POFUT1: variants seen among roughly 807,000 people sequenced by gnomAD.
POFUT1 encodes the protein protein O-fucosyltransferase 1, also known as GDP-fucose protein O-fucosyltransferase 1.
Under a neutral mutation model 42.4 loss-of-function variants are expected in POFUT1, and 16 were observed. The ratio of observed to expected loss-of-function variants is 0.38; its 90% CI spans 0.26 to 0.57. POFUT1 has a LOEUF of 0.57. POFUT1 is among the 20% of genes least tolerant of loss of function. POFUT1 has a pLI of 0.71. For missense variants in POFUT1, 470 were observed against 504.6 expected (o/e 0.93, Z 0.66); for synonymous variants, 206 against 205.4 (o/e 1.00, Z -0.03).
intron 4 of POFUT1, chr20:32,217,167 A>C (rs755197516): frequency 7.2e-5 from 108 of 1,506,944 alleles, no homozygotes; most frequent in Non-Finnish European, 9.0e-5. Context: ...TTTAAAAAAT[A>C]TAGGTTAGCA....
At chr20:32,220,715 C>T (rs1184954317) in intron 4 of POFUT1, among the ~76,000 whole-genome samples, 1 of 151,894 alleles carries the variant, frequency 6.6e-6, no homozygotes, top group Non-Finnish European at 1.5e-5. Context: ...TGCATCCCAG[C>T]CTGGGCAGCA....
chr20:32,225,556 A>G (rs2047410844), intron 4 of POFUT1, among the ~76,000 whole-genome samples: 2 of 152,190 alleles, frequency 1.3e-5, no homozygotes, highest in African/African-American at 4.8e-5. Flanking sequence ...TGGCACGATC[A>G]TGGCTGACTG....
intron 2 of POFUT1, 45 bp downstream of exon 2, chr20:32,210,237 G>A: frequency 1.2e-6 from 2 of 1,611,050 alleles, no homozygotes; most frequent in Non-Finnish European, 1.7e-6. Flanking sequence ...CCCTTTCTCA[G>A]TCTTGCTTAC....
intron 2 of POFUT1, among the ~76,000 whole-genome samples, chr20:32,211,747 T>C (rs1163801891): frequency 6.6e-6 from 1 of 152,186 alleles, no homozygotes; most frequent in Admixed American, 6.5e-5. Context: ...CTCACTGAGG[T>C]CACCAGTGAC....
Position 32,233,359 on chromosome 20 carries a change from A to G in POFUT1, c.979-1114A>G, listed in dbSNP as rs2047452512. Among the ~76,000 whole-genome samples, 5 of 152,158 alleles carry G rather than the reference A, an allele frequency of 3.3e-5. 1 individual carries two copies. In the South Asian group the frequency reaches 1.0e-3, roughly 32 times the overall value. ...AGGAGCTAACCAGGTAAAGGGAGGTACACCCCAAACAGCACAGCACGCACA... is the reference window on the plus strand; with the variant it reads ...AGGAGCTAACCAGGTAAAGGGAGGTGCACCCCAAACAGCACAGCACGCACA... On this transcript the variant is annotated intron_variant, in intron 6 of 6. Coordinates refer to ENST00000375749, the MANE Select transcript of POFUT1 (RefSeq NM_015352.2).
intron 2 of POFUT1, among the ~76,000 whole-genome samples, chr20:32,214,903 A>G (rs2047350502): frequency 6.6e-6 from 1 of 152,002 alleles, no homozygotes; most frequent in South Asian, 2.1e-4. Context: ...TGTTTTTTTG[A>G]GACGGAGTCT....
In POFUT1 at chr20:32,234,753, G is replaced by A; in HGVS notation, c.*92G>A. ...GGCCTGGCAGCCAGAGGTGCTCCGG[G>A]ATTGCAAACTCCTCTTCTCACCTGC... On this transcript the variant is annotated 3_prime_UTR_variant, in exon 7 of 7. Transcript: ENST00000375749. 1 of 1,149,540 alleles carries A rather than the reference G, an allele frequency of 8.7e-7. No homozygotes were observed. The highest frequency in any genetic ancestry group is 1.2e-6 in the Non-Finnish European group (1 of 813,514). The allele number at this position is 1,149,540 out of a possible 1,614,324, so 71.2% of individuals were successfully genotyped here.
intron 3 of POFUT1, among the ~76,000 whole-genome samples, chr20:32,216,090 A>T (rs1383370364): frequency 1.3e-5 from 2 of 152,236 alleles, no homozygotes; most frequent in African/African-American, 4.8e-5. Context: ...CACTTTGGAA[A>T]TAAACCCCCA....
At position 32,234,534 on chromosome 20, in the gene POFUT1, C is replaced by T. The variant is rs371415833; in HGVS notation, c.1040C>T (p.Ala347Val). The change falls in exon 7 of 7, where the codon GCC becomes GTC. Residue 347 changes from alanine (A) to valine (V), a missense_variant. Coordinates refer to ENST00000375749, the MANE Select transcript of POFUT1 (RefSeq NM_015352.2). Reference protein sequence around the residue: ...AQVDLYILGQADHFIGNCVSS... With the variant: ...AQVDLYILGQVDHFIGNCVSS... ...GTCGACCTGTACATCCTCGGCCAAG[C>T]CGACCACTTTATTGGCAACTGTGTC... The T allele has an allele frequency of 4.3e-6, 7 of 1,614,124 alleles. No individual in the cohort carries two copies. In the African/African-American group the frequency reaches 9.3e-5, roughly 21 times the overall value.
chr20:32,208,088 C>T (rs2047303373), intron 1 of POFUT1, 23 bp downstream of exon 1: 1 of 1,538,084 alleles, frequency 6.5e-7, no homozygotes, highest in Non-Finnish European at 8.7e-7. Context: ...AAGCCCTCTG[C>T]TCAGATGGAG....
intron 6 of POFUT1, among the ~76,000 whole-genome samples, 166 bp from the exon 7 acceptor site, chr20:32,234,307 G>A (rs2047457904): frequency 6.6e-6 from 1 of 152,248 alleles, no homozygotes; most frequent in Admixed American, 6.5e-5. Flanking sequence ...GTGGGCCTAG[G>A]CAGCAGCTGG....
intron 4 of POFUT1, among the ~76,000 whole-genome samples, chr20:32,227,646 G>C (rs2047421500): frequency 6.6e-6 from 1 of 152,226 alleles, no homozygotes; most frequent in Non-Finnish European, 1.5e-5. Flanking sequence ...ATAATTATGA[G>C]ATGGACTGTG....
intron 5 of POFUT1, 60 bp downstream of exon 5, chr20:32,228,515 G>T (rs2047426495): frequency 6.8e-7 from 1 of 1,474,500 alleles, no homozygotes; most frequent in Non-Finnish European, 9.3e-7. Flanking sequence ...CATGGCCCTG[G>T]CCTGTAGGGA....
In POFUT1 at chr20:32,210,105, C is replaced by A. The variant is rs2047319134; in HGVS notation, c.159C>A (p.Gly53=). ...RFGNQADHFL[G]SLAFAKLLNR... is the part of the protein sequence containing the mutation. ...GGAACCAGGCCGATCACTTCTTGGG[C>A]TCTCTGGCATTTGCAAAGCTGCTAA... Residue 53 remains glycine, a synonymous_variant, in exon 2 of 7, where the codon GGC becomes GGA. Coordinates refer to ENST00000375749, the MANE Select transcript of POFUT1 (RefSeq NM_015352.2). 3 of 1,614,038 alleles carry A rather than the reference C, an allele frequency of 1.9e-6. No individual in the cohort carries two copies. The Admixed American group carries it at 5.0e-5, about 27-fold the overall frequency.
intron 4 of POFUT1, among the ~76,000 whole-genome samples, chr20:32,227,593 G>C (rs978830323): frequency 6.6e-6 from 1 of 152,104 alleles, no homozygotes; most frequent in African/African-American, 2.4e-5. Flanking sequence ...ACTATTCTGC[G>C]CATACTGGAG....
chr20:32,225,635 ACAC>A (rs1412106532), intron 4 of POFUT1, among the ~76,000 whole-genome samples: 1 of 152,118 alleles, frequency 6.6e-6, no homozygotes, highest in Non-Finnish European at 1.5e-5. Context: ...CCACAGGCAC[ACAC>A]CACAACACTT....
At chr20:32,221,450 C>T (rs1316017812) in intron 4 of POFUT1, among the ~76,000 whole-genome samples, 1 of 152,090 alleles carries the variant, frequency 6.6e-6, no homozygotes, top group Non-Finnish European at 1.5e-5. Flanking sequence ...GTGGCTCACA[C>T]CTGTAATCCT....
chr20:32,224,523 C>T (rs940211469), intron 4 of POFUT1, among the ~76,000 whole-genome samples: 1 of 152,148 alleles, frequency 6.6e-6, no homozygotes, highest in African/African-American at 2.4e-5. Flanking sequence ...TATGTGGGAG[C>T]AATGGCAAAC....
chr20:32,227,992 G>A (rs756357350), intron 4 of POFUT1, among the ~76,000 whole-genome samples: 25 of 152,142 alleles, frequency 1.6e-4, no homozygotes, highest in Non-Finnish European at 3.2e-4. Context: ...AGGTTGGAAT[G>A]CTCTCCTGTA....
Sources: gnomAD v4.1 joint callset for allele counts (sites outside exome capture counted in the v4.1 genomes callset) on GRCh38, gnomAD v4.1.1 for gene constraint, MANE v1.5 for transcripts, NCBI Gene and HGNC (gene_info 2026-07-23, HGNC 2026-07-21) for gene names.